CDON: variants seen among roughly 807,000 people sequenced by gnomAD.
The protein encoded by CDON is cell adhesion associated, oncogene regulated.
A neutral mutation model predicts 120.9 loss-of-function variants in CDON; 73 were observed. The ratio of observed to expected loss-of-function variants is 0.60; its 90% CI spans 0.50 to 0.73. The LOEUF is 0.73. Among genes scored for constraint, CDON ranks in the 30% least tolerant of loss-of-function variants. The probability of loss-of-function intolerance (pLI) is 0.00; values close to 1 mark genes in which losing one functional copy is unlikely to be tolerated. For synonymous variants in CDON, 566 were observed against 573.5 expected, an observed-to-expected ratio of 0.99 and a Z score of 0.19; for missense variants, 1,470 against 1,587.3, an observed-to-expected ratio of 0.93 and a Z score of 1.26.
chr11:126,007,353 C>T (rs1947157213), intron 8 of CDON, among the ~76,000 whole-genome samples: 1 of 152,114 alleles, frequency 6.6e-6, no homozygotes, highest in South Asian at 2.1e-4. Flanking sequence ...AAACAAGAAG[C>T]TAGTGAGGAA....
intron 2 of CDON, among the ~76,000 whole-genome samples, chr11:126,023,084 C>A (rs1947684513): frequency 6.6e-6 from 1 of 152,054 alleles, no homozygotes; most frequent in Non-Finnish European, 1.5e-5. Flanking sequence ...TATTCCTGTT[C>A]TTTCCAAGTT....
At chr11:126,003,593 G>T (rs2134584153) in intron 10 of CDON, among the ~76,000 whole-genome samples, 1 of 152,260 alleles carries the variant, frequency 6.6e-6, no homozygotes, top group East Asian at 1.9e-4. Context: ...GGCTGAGGTG[G>T]GCGGATCACG....
At chr11:125,974,147 T>C (rs910037683) in intron 18 of CDON, among the ~76,000 whole-genome samples, 2 of 151,984 alleles carry the variant, frequency 1.3e-5, no homozygotes, top group Admixed American at 1.3e-4. Flanking sequence ...CCGCCCGCCA[T>C]AGCCTCCCAA....
chr11:126,053,367 T>C (rs1223097564), intron 1 of CDON, among the ~76,000 whole-genome samples: 4 of 152,208 alleles, frequency 2.6e-5, no homozygotes, highest in African/African-American at 9.7e-5. Flanking sequence ...CTGGAACTAC[T>C]GCTCGGATGC....
chr11:126,005,357 T>C (rs1244969228), intron 9 of CDON: 3 of 198,874 alleles, frequency 1.5e-5, no homozygotes, highest in Admixed American at 5.4e-5. Context: ...ATGCAAACAA[T>C]TGGCATAAAT....
At position 125,956,942 on chromosome 11, in the gene CDON, G is replaced by A. The variant is rs79719160; in HGVS notation, c.*4000C>T. 309 of 810,690 alleles carry A rather than the reference G, an allele frequency of 3.8e-4. 1 individual carries two copies. The African/African-American group carries it at 5.6e-3, about 15-fold the overall frequency. The allele number at this position is 810,690 out of a possible 1,614,324, so 50.2% of individuals were successfully genotyped here. Reference sequence around the variant, plus strand: ...AATATGGGAAATAAAATACAAAAGGGCCACACCCGATGCAAAAGACTTTGC... The same window carrying A: ...AATATGGGAAATAAAATACAAAAGGACCACACCCGATGCAAAAGACTTTGC... On this transcript the variant is annotated 3_prime_UTR_variant, in exon 20 of 20. Coordinates refer to ENST00000531738, the MANE Select transcript of CDON (RefSeq NM_001378964.1).
intron 10 of CDON, among the ~76,000 whole-genome samples, chr11:126,003,130 C>G (rs1347963883): frequency 6.6e-6 from 1 of 152,156 alleles, no homozygotes; most frequent in Non-Finnish European, 1.5e-5. Flanking sequence ...CTGTTAACAC[C>G]TTCTAATGTA....
intron 1 of CDON, among the ~76,000 whole-genome samples, chr11:126,050,201 A>C (rs1187350425): frequency 6.7e-6 from 1 of 149,666 alleles, no homozygotes; most frequent in Non-Finnish European, 1.5e-5. Context: ...TGGTTTAGAA[A>C]TGTCAAAGAT....
At chr11:126,021,164 A>G in intron 3 of CDON, 84 bp downstream of exon 3, 2 of 1,435,436 alleles carry the variant, frequency 1.4e-6, no homozygotes, top group Admixed American at 1.8e-5. Flanking sequence ...ACCAAAGCCC[A>G]TGGTCTTTCC....
intron 1 of CDON, among the ~76,000 whole-genome samples, chr11:126,047,138 G>A (rs1948425127): frequency 6.6e-6 from 1 of 152,090 alleles, no homozygotes; most frequent in Non-Finnish European, 1.5e-5. Context: ...TTCATACCTA[G>A]CCTAGTAAAG....
In CDON at chr11:126,017,951, G is replaced by A. The variant is rs1947518819; in HGVS notation, c.640+379C>T. Among the ~76,000 whole-genome samples, 3 of 151,982 alleles carry A rather than the reference G, an allele frequency of 2.0e-5. No homozygotes were observed. In the South Asian group the frequency reaches 6.2e-4, roughly 32 times the overall value. On this transcript the variant is annotated intron_variant, in intron 5 of 19. Transcript: ENST00000531738. ...GTCACATTCTGTCACCCAGGCTGGA[G>A]TGCAGTGGCGCAATCTCAGCTCACT...
At chr11:125,988,402 G>A (rs614840) in intron 15 of CDON, among the ~76,000 whole-genome samples, 43,664 of 151,924 alleles carry the variant, frequency 0.29, 6,715 homozygotes, top group African/African-American at 0.38. Flanking sequence ...TTGAGACAAG[G>A]TCTCACTCTC....
chr11:126,029,934 C>A (rs775495987), intron 1 of CDON, among the ~76,000 whole-genome samples: 3 of 152,172 alleles, frequency 2.0e-5, no homozygotes, highest in African/African-American at 7.2e-5. Flanking sequence ...AACCATTAAA[C>A]CATCTACAAA....
chr11:125,973,359 C>T (rs1247935546), intron 18 of CDON, among the ~76,000 whole-genome samples: 3 of 152,004 alleles, frequency 2.0e-5, no homozygotes, highest in African/African-American at 7.2e-5. Flanking sequence ...GGTGAAACCC[C>T]GTCTCTACTA....
chr11:125,964,290 C>T (rs1333980967), intron 18 of CDON, among the ~76,000 whole-genome samples: 1 of 152,054 alleles, frequency 6.6e-6, no homozygotes, highest in Admixed American at 6.5e-5. Context: ...CTGAAAGAAC[C>T]CTTTATTGAG....
rs695079 is a variant in CDON at position 126,002,060 on chromosome 11, A to G, written c.2027-210T>C. Among the ~76,000 whole-genome samples, 92,223 of 151,862 alleles carry G rather than the reference A, an allele frequency of 0.61. 28,147 individuals carry two copies. The highest frequency in any genetic ancestry group is 0.63 in the Admixed American group (9,627 of 15,262). On this transcript the variant is annotated intron_variant, in intron 10 of 19. Transcript: ENST00000531738. ...TTTGTTTTTTTCTAGTATCTTTAAA[A>G]TAAAGCTAAAATGTCTTTCTTCATT...
chr11:125,989,810 G>C lies in CDON; in HGVS notation c.2651-51C>G, dbSNP rs768577830. On this transcript the variant is annotated intron_variant, in intron 14 of 19. Transcript: ENST00000531738. ...CACATCATACAGCCTAAATGATAATGTCAATATAATTAGTTAATGTTTTCA... is the reference window on the plus strand; with the variant it reads ...CACATCATACAGCCTAAATGATAATCTCAATATAATTAGTTAATGTTTTCA... 3 of 1,548,754 alleles carry C rather than the reference G, an allele frequency of 1.9e-6. No individual in the cohort carries two copies. In the South Asian group the frequency reaches 3.4e-5, roughly 17 times the overall value.
At chr11:126,028,867 T>C (rs1234040825) in intron 1 of CDON, among the ~76,000 whole-genome samples, 1 of 152,000 alleles carries the variant, frequency 6.6e-6, no homozygotes, top group Admixed American at 6.6e-5. Context: ...TTTGCTATTC[T>C]AGATAACACT....
intron 15 of CDON, 82 bp downstream of exon 15, chr11:125,989,555 C>T: frequency 1.5e-6 from 2 of 1,364,060 alleles, no homozygotes; most frequent in East Asian, 2.4e-5. Context: ...CAAAACAAAA[C>T]CCAGAATATA....
Sources: allele counts gnomAD v4.1 joint callset (sites outside exome capture counted in the v4.1 genomes callset), GRCh38; gene constraint gnomAD v4.1.1; transcripts MANE v1.5; gene names NCBI Gene and HGNC (gene_info 2026-07-23, HGNC 2026-07-21).